ADGRL2: variants seen among roughly 807,000 people sequenced by gnomAD.
ADGRL2 encodes the protein calcium-independent alpha-latrotoxin receptor 2.
In ADGRL2, 44 loss-of-function variants were observed where a neutral mutation model predicts 157.4. That is an observed-to-expected ratio of 0.28 (90% CI 0.22 to 0.36). The LOEUF (loss-of-function observed/expected upper bound fraction) is 0.36. Ranked by LOEUF, ADGRL2 falls within the 10% of genes least tolerant of loss-of-function variation. The probability of loss-of-function intolerance (pLI) is 1.00; values close to 1 mark genes in which losing one functional copy is unlikely to be tolerated. For missense variants in ADGRL2, 1,510 were observed against 1,768.9 expected (o/e 0.85, Z 2.63); for synonymous variants, 585 against 624.7 (o/e 0.94, Z 0.95).
chr1:81,537,503 C>A (rs1325809918), intron 2 of ADGRL2, among the ~76,000 whole-genome samples: 1 of 151,944 alleles, frequency 6.6e-6, no homozygotes, highest in Non-Finnish European at 1.5e-5. Flanking sequence ...TCAGGCTGGT[C>A]TGGGACTCCC....
At position 81,992,198 on chromosome 1, in the gene ADGRL2, A is replaced by T. The variant is rs1664689164; in HGVS notation, c.*1053A>T. The T allele has an allele frequency of 1.3e-5, 2 of 152,390 alleles. No individual in the cohort carries two copies. The highest frequency in any genetic ancestry group is 2.9e-5 in the Non-Finnish European group (2 of 68,034). 9.4% of individuals were successfully genotyped at this position (152,390 alleles called of 1,614,324 possible). A position where few individuals can be genotyped will look rare whatever the true frequency, so the allele number is the denominator to read the frequency against. On this transcript the variant is annotated 3_prime_UTR_variant, in exon 24 of 24. Coordinates refer to ENST00000686636, the MANE Select transcript of ADGRL2 (RefSeq NM_001366006.2). Reference sequence around the variant, plus strand: ...AACAAAAGGTGCCTATTCTTTTTTAAAAAAATAAAATAAAACATAAATATT... The same window carrying T: ...AACAAAAGGTGCCTATTCTTTTTTATAAAAATAAAATAAAACATAAATATT...
chr1:81,936,655 C>T (rs2095314637), intron 3 of ADGRL2, 73 bp from the exon 4 acceptor site: 1 of 857,492 alleles, frequency 1.2e-6, no homozygotes, highest in Non-Finnish European at 1.8e-6. Flanking sequence ...ATGAGAAAAA[C>T]TTCTATGTTA....
intron 2 of ADGRL2, among the ~76,000 whole-genome samples, chr1:81,861,164 G>A (rs939418875): frequency 6.6e-6 from 1 of 151,990 alleles, no homozygotes; most frequent in Non-Finnish European, 1.5e-5. Flanking sequence ...GGGAATACAG[G>A]TGCCAGCCAC....
At chr1:81,520,046 C>T (rs2079275589) in intron 2 of ADGRL2, among the ~76,000 whole-genome samples, 1 of 151,938 alleles carries the variant, frequency 6.6e-6, no homozygotes, top group South Asian at 2.1e-4. Flanking sequence ...TGCCTTTGAA[C>T]ATTTTTATGA....
chr1:81,916,728 A>G (rs2094863798), intron 3 of ADGRL2, among the ~76,000 whole-genome samples: 1 of 152,004 alleles, frequency 6.6e-6, no homozygotes, highest in Non-Finnish European at 1.5e-5. Context: ...TTTTAATTTA[A>G]TATTTAATAA....
chr1:81,989,091 T>A (rs1215306124), intron 23 of ADGRL2, among the ~76,000 whole-genome samples: 2 of 152,048 alleles, frequency 1.3e-5, no homozygotes, highest in Non-Finnish European at 2.9e-5. Flanking sequence ...AGAAGCACTG[T>A]GATGTCTTAG....
chr1:81,833,625 T>A (rs1184231115), intron 1 of ADGRL2, among the ~76,000 whole-genome samples: 1 of 152,252 alleles, frequency 6.6e-6, no homozygotes, highest in Admixed American at 6.5e-5. Flanking sequence ...CCTGGTAATG[T>A]AATGTAAATA....
chr1:81,664,202 G>T (rs147003590), intron 3 of ADGRL2, among the ~76,000 whole-genome samples: 116 of 152,016 alleles, frequency 7.6e-4, no homozygotes, highest in Non-Finnish European at 1.3e-3. Flanking sequence ...AGAAATATTG[G>T]TCAAATAAAC....
At chr1:81,513,730 A>C (rs1557748831) in intron 2 of ADGRL2, 1 of 152,150 alleles carries the variant, frequency 6.6e-6, no homozygotes, top group Non-Finnish European at 1.5e-5. Flanking sequence ...TTCTAAACCA[A>C]TTGGTTCTAA....
chr1:81,902,393 T>C (rs1276330375), intron 2 of ADGRL2, among the ~76,000 whole-genome samples: 1 of 151,910 alleles, frequency 6.6e-6, no homozygotes, highest in African/African-American at 2.4e-5. Flanking sequence ...AGGTCAGGAG[T>C]TTGAGACCAG....
intron 1 of ADGRL2, among the ~76,000 whole-genome samples, chr1:81,430,101 C>T (rs1308171263): frequency 2.0e-5 from 3 of 152,126 alleles, no homozygotes; most frequent in Admixed American, 6.5e-5. Flanking sequence ...CCATGTTGGT[C>T]AGGCTGGTTT....
chr1:81,502,834 G>A lies in ADGRL2; in HGVS notation c.-248+57745G>A, dbSNP rs943226733. 3.1e-6 allele frequency: 5 copies of A among 1,612,336 alleles called. No individual in the cohort carries two copies. In the African/African-American group the frequency reaches 5.3e-5, roughly 17 times the overall value. ...TGCGGCTACTGCTGCTGCCGCTGCC[G>A]AGGCCCCTGCCCTCCTCTCCCCACC... On this transcript the variant is annotated intron_variant, in intron 2 of 24. Transcript: ENST00000370721.
chr1:81,906,916 C>T (rs1348821754), intron 2 of ADGRL2, 101 bp from the exon 3 acceptor site: 1 of 936,462 alleles, frequency 1.1e-6, no homozygotes, highest in East Asian at 2.6e-5. Flanking sequence ...TATGACATCT[C>T]TTGACGATAG....
chr1:81,824,648 T>C (rs765067226), intron 1 of ADGRL2, among the ~76,000 whole-genome samples: 24 of 152,142 alleles, frequency 1.6e-4, no homozygotes, highest in Non-Finnish European at 2.8e-4. Context: ...GCAACTACTG[T>C]ACAAATGACA....
intron 1 of ADGRL2, among the ~76,000 whole-genome samples, chr1:81,725,629 C>T (rs9728624): frequency 0.082 from 12,546 of 152,180 alleles, 560 homozygotes; most frequent in South Asian, 0.14. Context: ...AAATTGCCAA[C>T]GTGTACTTGG....
rs180921834 is a variant in ADGRL2 at position 81,433,319 on chromosome 1, C to T, written c.-301-11717C>T. Among the ~76,000 whole-genome samples, 217 of 152,256 alleles carry T rather than the reference C, an allele frequency of 1.4e-3. 2 individuals carry two copies. The highest frequency in any genetic ancestry group is 2.4e-3 in the Non-Finnish European group (166 of 68,024). Reference sequence around the variant, plus strand: ...TAGTGCAGGTCAATCTCCTCCATGTCCTCCTTATTTTTCTTAAGATTCCAA... The same window carrying T: ...TAGTGCAGGTCAATCTCCTCCATGTTCTCCTTATTTTTCTTAAGATTCCAA... On this transcript the variant is annotated intron_variant, in intron 1 of 24. Transcript: ENST00000370721.
Position 81,709,233 on chromosome 1 carries a change from G to T in ADGRL2, c.-143+9425G>T, listed in dbSNP as rs530674458. Among the ~76,000 whole-genome samples, 18 of 152,186 alleles carry T rather than the reference G, an allele frequency of 1.2e-4. 1 individual carries two copies. In the South Asian group the frequency reaches 3.7e-3, roughly 32 times the overall value. On this transcript the variant is annotated intron_variant, in intron 1 of 20. Transcript: ENST00000359929. ...TTGCCATTAAAGTACTGCAAAAGCCGAAATTACTTTTGCACCAACCTAATG... is the reference window on the plus strand; with the variant it reads ...TTGCCATTAAAGTACTGCAAAAGCCTAAATTACTTTTGCACCAACCTAATG...
At chr1:81,584,865 G>T (rs2080992768) in intron 3 of ADGRL2, among the ~76,000 whole-genome samples, 1 of 152,124 alleles carries the variant, frequency 6.6e-6, no homozygotes, top group African/African-American at 2.4e-5. Context: ...GAGTTACCTG[G>T]TGGAAAGGTT....
At chr1:81,309,258 A>G (rs1195641336) in intron 1 of ADGRL2, among the ~76,000 whole-genome samples, 4 of 152,278 alleles carry the variant, frequency 2.6e-5, no homozygotes, top group South Asian at 2.1e-4. Flanking sequence ...ATTGCTGCAT[A>G]TGGATTGATT....
Sources: allele counts gnomAD v4.1 joint callset (sites outside exome capture counted in the v4.1 genomes callset), GRCh38; gene constraint gnomAD v4.1.1; transcripts MANE v1.5; gene names NCBI Gene and HGNC (gene_info 2026-07-23, HGNC 2026-07-21).